Variants in GRIA1 observed in about 807,000 individuals in gnomAD.
GRIA1 encodes glutamate ionotropic receptor AMPA type subunit 1.
Under a neutral mutation model 99.2 loss-of-function variants are expected in GRIA1, and 31 were observed. The ratio of observed to expected loss-of-function variants is 0.31; its 90% CI spans 0.23 to 0.42. The LOEUF (loss-of-function observed/expected upper bound fraction) is 0.42. Among genes scored for constraint, GRIA1 ranks in the 10% least tolerant of loss-of-function variants. The pLI, the probability that GRIA1 is intolerant of heterozygous loss-of-function variation, is 1.00. For missense variants in GRIA1, 782 were observed against 1,157.5 expected, an observed-to-expected ratio of 0.68 and a Z score of 4.71; for synonymous variants, 438 against 432.4, an observed-to-expected ratio of 1.01 and a Z score of -0.16.
intron 11 of GRIA1, among the ~76,000 whole-genome samples, chr5:153,756,496 C>T (rs115943397): frequency 1.3e-5 from 2 of 152,190 alleles, no homozygotes; most frequent in African/African-American, 4.8e-5. Flanking sequence ...GGGTTGCCAA[C>T]ATCTGTTCCG....
At chr5:153,795,392 A>G (rs1431301030) in intron 14 of GRIA1, 19 of 749,316 alleles carry the variant, frequency 2.5e-5, no homozygotes, top group Non-Finnish European at 4.1e-5. Flanking sequence ...TGTTCAATGA[A>G]TGATGTGAAT....
chr5:153,735,732 T>A (rs574938298), intron 11 of GRIA1, among the ~76,000 whole-genome samples: 1 of 152,100 alleles, frequency 6.6e-6, no homozygotes, highest in East Asian at 1.9e-4. Context: ...TAATCCAGAA[T>A]ACATATTTAA....
chr5:153,639,630 G>A (rs969037700), intron 2 of GRIA1, among the ~76,000 whole-genome samples: 12 of 152,086 alleles, frequency 7.9e-5, no homozygotes, highest in African/African-American at 1.4e-4. Flanking sequence ...TGTAATATTC[G>A]CAGCATCCAA....
chr5:153,760,287 T>G, intron 11 of GRIA1, among the ~76,000 whole-genome samples: 1 of 152,048 alleles, frequency 6.6e-6, no homozygotes, highest in East Asian at 1.9e-4. Context: ...ATCTTCTCTA[T>G]AGAAAACCCT....
At chr5:153,711,480 G>A (rs975327384) in intron 11 of GRIA1, among the ~76,000 whole-genome samples, 4 of 152,256 alleles carry the variant, frequency 2.6e-5, no homozygotes, top group African/African-American at 9.6e-5. Flanking sequence ...GAGGGAGGAA[G>A]CATTTGGAAA....
intron 9 of GRIA1, among the ~76,000 whole-genome samples, chr5:153,698,515 T>G (rs1384033444): frequency 6.6e-6 from 1 of 152,218 alleles, no homozygotes; most frequent in Non-Finnish European, 1.5e-5. Context: ...GTGAAGATGC[T>G]GTAATTTTCA....
At chr5:153,647,499 G>A (rs1754239744) in intron 3 of GRIA1, among the ~76,000 whole-genome samples, 1 of 152,068 alleles carries the variant, frequency 6.6e-6, no homozygotes, top group Non-Finnish European at 1.5e-5. Flanking sequence ...CCAGCTGTTT[G>A]ACTTTGGACA....
At chr5:153,574,379 C>A (rs912949707) in intron 2 of GRIA1, 3 of 151,780 alleles carry the variant, frequency 2.0e-5, no homozygotes, top group Non-Finnish European at 4.4e-5. Flanking sequence ...AATTAGAGTG[C>A]CTGGAGATAT....
intron 12 of GRIA1, among the ~76,000 whole-genome samples, chr5:153,765,339 G>A (rs574909758): frequency 6.6e-6 from 1 of 152,238 alleles, no homozygotes; most frequent in Admixed American, 6.5e-5. Flanking sequence ...GTCTATATCA[G>A]AGCTTAACAA....
At chr5:153,764,056 CAT>C (rs1485832810) in intron 11 of GRIA1, among the ~76,000 whole-genome samples, 22 of 152,176 alleles carry the variant, frequency 1.4e-4, no homozygotes, top group African/African-American at 5.3e-4. Context: ...TGCATTCATA[CAT>C]GTTTGCACAA....
At chr5:153,625,986 G>A (rs1321409451) in intron 2 of GRIA1, among the ~76,000 whole-genome samples, 1 of 152,174 alleles carries the variant, frequency 6.6e-6, no homozygotes, top group Non-Finnish European at 1.5e-5. Flanking sequence ...GTCACTTAGT[G>A]TGGAGAGTCA....
chr5:153,806,028 C>T (rs1333565787), intron 15 of GRIA1, among the ~76,000 whole-genome samples: 2 of 152,162 alleles, frequency 1.3e-5, no homozygotes, highest in South Asian at 2.1e-4. Flanking sequence ...CTCTCTTATC[C>T]GAAAGAGATA....
chr5:153,575,197 A>AGAGAGAG (rs1762425770), intron 2 of GRIA1, among the ~76,000 whole-genome samples: 7 of 147,768 alleles, frequency 4.7e-5, no homozygotes, highest in South Asian at 2.2e-4. Flanking sequence ...TCAAGAGAGA[A>AGAGAGAG]AGAGAGAGAG....
At chr5:153,586,754 C>G (rs1188561597) in intron 2 of GRIA1, among the ~76,000 whole-genome samples, 3 of 152,124 alleles carry the variant, frequency 2.0e-5, no homozygotes, top group African/African-American at 7.2e-5. Flanking sequence ...TGCTTCCCAC[C>G]TGGAAAAACT....
chr5:153,612,408 C>T (rs1766072321), intron 2 of GRIA1, among the ~76,000 whole-genome samples: 1 of 152,222 alleles, frequency 6.6e-6, no homozygotes, highest in East Asian at 1.9e-4. Flanking sequence ...CAAATCTGCA[C>T]ATAAATTCCA....
chr5:153,605,316 C>T (rs1340974723), intron 2 of GRIA1, among the ~76,000 whole-genome samples: 1 of 152,208 alleles, frequency 6.6e-6, no homozygotes, highest in Non-Finnish European at 1.5e-5. Context: ...GATTCATCCT[C>T]ATGATTGTAG....
chr5:153,586,112 AGCCACTAT>A (rs1253409326), intron 2 of GRIA1, among the ~76,000 whole-genome samples: 1 of 152,214 alleles, frequency 6.6e-6, no homozygotes, highest in Non-Finnish European at 1.5e-5. Flanking sequence ...CACTCTTGTG[AGCCACTAT>A]GCACCAGCTC....
chr5:153,762,648 C>A (rs1399461882), intron 11 of GRIA1, among the ~76,000 whole-genome samples: 1 of 152,130 alleles, frequency 6.6e-6, no homozygotes, highest in Non-Finnish European at 1.5e-5. Context: ...GGTCCCTAAC[C>A]CCATGTGAAC....
intron 2 of GRIA1, among the ~76,000 whole-genome samples, chr5:153,528,485 C>G (rs967810167): frequency 1.3e-5 from 2 of 152,160 alleles, no homozygotes; most frequent in South Asian, 4.1e-4. Flanking sequence ...ACCTGGAAAA[C>G]TTGTTAAAAC....
Sources: gnomAD v4.1 joint callset for allele counts (sites outside exome capture counted in the v4.1 genomes callset) on GRCh38, gnomAD v4.1.1 for gene constraint, MANE v1.5 for transcripts, NCBI Gene and HGNC (gene_info 2026-07-23, HGNC 2026-07-21) for gene names.